Variants in SUCLG2 observed in about 807,000 individuals in gnomAD.
SUCLG2 encodes succinate--CoA ligase [GDP-forming] subunit beta, mitochondrial.
In SUCLG2, 42 loss-of-function variants were observed where a neutral mutation model predicts 47.9. The observed-to-expected ratio is 0.88, with a 90% CI of 0.69 to 1.14. The LOEUF is 1.14. Among genes scored for constraint, SUCLG2 ranks in the 50% most tolerant of loss-of-function variants. SUCLG2 has a pLI of 0.00. For synonymous variants in SUCLG2, 195 were observed against 197.3 expected, an observed-to-expected ratio of 0.99 and a Z score of 0.10; for missense variants, 571 against 525.9, an observed-to-expected ratio of 1.09 and a Z score of -0.84.
chr3:67,606,596 T>C (rs552894330), intron 2 of SUCLG2, among the ~76,000 whole-genome samples: 1 of 152,298 alleles, frequency 6.6e-6, no homozygotes, highest in African/African-American at 2.4e-5. Flanking sequence ...GTACTAACCT[T>C]TACTGAGTCT....
chr3:67,637,994 T>C (rs1034442737), intron 1 of SUCLG2, among the ~76,000 whole-genome samples: 1 of 152,126 alleles, frequency 6.6e-6, no homozygotes, highest in Admixed American at 6.5e-5. Context: ...TAGGAAGTGC[T>C]GTTTACTTTA....
At chr3:67,383,549 G>C (rs956225624) in intron 10 of SUCLG2, among the ~76,000 whole-genome samples, 2 of 152,124 alleles carry the variant, frequency 1.3e-5, no homozygotes, top group African/African-American at 4.8e-5. Context: ...ATCAACACTC[G>C]AGGTGTGAAT....
chr3:67,564,556 T>G (rs1319157457), intron 2 of SUCLG2, among the ~76,000 whole-genome samples: 1 of 152,262 alleles, frequency 6.6e-6, no homozygotes, highest in East Asian at 1.9e-4. Flanking sequence ...ATCCCTGTCT[T>G]AATCATCTGT....
At chr3:67,369,643 T>C (rs1559634086) in intron 10 of SUCLG2, among the ~76,000 whole-genome samples, 1 of 152,224 alleles carries the variant, frequency 6.6e-6, no homozygotes, top group Non-Finnish European at 1.5e-5. Flanking sequence ...AGCTGCACCA[T>C]GCTGTCTCCT....
downstream of SUCLG2, among the ~76,000 whole-genome samples, chr3:67,372,224 T>C (rs1701965215): frequency 6.6e-6 from 1 of 152,144 alleles, no homozygotes; most frequent in Non-Finnish European, 1.5e-5. Flanking sequence ...TACTGGACAA[T>C]AGAAGAAATG....
chr3:67,558,696 C>T (rs1010362463), intron 2 of SUCLG2, among the ~76,000 whole-genome samples: 2 of 152,154 alleles, frequency 1.3e-5, no homozygotes, highest in African/African-American at 4.8e-5. Context: ...GGGCAATCTG[C>T]CCAAGCCAAG....
intron 9 of SUCLG2, among the ~76,000 whole-genome samples, chr3:67,415,740 T>C (rs1163948845): frequency 5.9e-5 from 9 of 152,210 alleles, no homozygotes; most frequent in Admixed American, 5.9e-4. Flanking sequence ...TCTCCTTCCA[T>C]GGTAGTTTTA....
intron 1 of SUCLG2, among the ~76,000 whole-genome samples, chr3:67,645,725 C>T (rs1412498911): frequency 2.6e-5 from 4 of 151,824 alleles, no homozygotes; most frequent in Non-Finnish European, 4.4e-5. Context: ...TAACTCTCCA[C>T]TTTCTATTAC....
At chr3:67,620,252 A>C (rs1176743500) in intron 1 of SUCLG2, among the ~76,000 whole-genome samples, 1 of 152,160 alleles carries the variant, frequency 6.6e-6, no homozygotes, top group East Asian at 1.9e-4. Context: ...TGAAGAGTGT[A>C]ATTACAGAGC....
chr3:67,652,886 CCTTT>C (rs1701311909), intron 1 of SUCLG2, among the ~76,000 whole-genome samples: 2 of 152,256 alleles, frequency 1.3e-5, no homozygotes, highest in African/African-American at 4.8e-5. Context: ...ACACTGTGTA[CCTTT>C]CTATCTTTAA....
rs1358737032 is a variant in SUCLG2, at chr3:67,374,914, G to A, written c.*830C>T. 6.1e-6 allele frequency: 6 copies of A among 985,206 alleles called. No homozygotes were observed. The highest frequency in any genetic ancestry group is 1.8e-5 in the African/African-American group (1 of 57,128). 61.0% of individuals were successfully genotyped at this position (985,206 alleles called of 1,614,324 possible). A position where few individuals can be genotyped will look rare whatever the true frequency, so the allele number is the denominator to read the frequency against. ...GGAGGATGAGGAGTAAGAGAGAAACGAGGAGAGAAGATAGTGATACTAAAC... is the reference window on the plus strand; with the variant it reads ...GGAGGATGAGGAGTAAGAGAGAAACAAGGAGAGAAGATAGTGATACTAAAC... On this transcript the variant is annotated 3_prime_UTR_variant, in exon 11 of 11. Transcript: ENST00000307227.
intron 2 of SUCLG2, among the ~76,000 whole-genome samples, chr3:67,535,731 CAAT>C (rs1005876768): frequency 2.6e-5 from 4 of 152,108 alleles, no homozygotes; most frequent in Non-Finnish European, 5.9e-5. Context: ...CAGCTGGACA[CAAT>C]GCAGAGAAGA....
chr3:67,506,725 T>C (rs1484910039), intron 7 of SUCLG2, among the ~76,000 whole-genome samples: 1 of 152,232 alleles, frequency 6.6e-6, no homozygotes, highest in East Asian at 1.9e-4. Context: ...TGCTTGTGTA[T>C]ACTAGTTGAA....
intron 9 of SUCLG2, among the ~76,000 whole-genome samples, chr3:67,426,932 A>C (rs900452408): frequency 6.6e-5 from 10 of 152,192 alleles, no homozygotes; most frequent in African/African-American, 2.2e-4. Context: ...TCTCAAAAAA[A>C]AAAGTGGCAA....
At chr3:67,403,569 TAA>T in intron 9 of SUCLG2, among the ~76,000 whole-genome samples, 1 of 152,062 alleles carries the variant, frequency 6.6e-6, no homozygotes, top group Non-Finnish European at 1.5e-5. Flanking sequence ...GCCAGACCAA[TAA>T]ACTGACAATT....
chr3:67,415,530 C>T (rs1242007914), intron 9 of SUCLG2, among the ~76,000 whole-genome samples: 1 of 152,286 alleles, frequency 6.6e-6, no homozygotes, highest in Non-Finnish European at 1.5e-5. Flanking sequence ...CTCCTCTAAG[C>T]CACACATTTG....
intron 1 of SUCLG2, among the ~76,000 whole-genome samples, chr3:67,638,838 T>C (rs996586146): frequency 2.6e-5 from 4 of 152,192 alleles, no homozygotes; most frequent in Non-Finnish European, 4.4e-5. Flanking sequence ...TAGCCAATAA[T>C]GGAGATTTCC....
At chr3:67,373,558 A>G (rs566790455), downstream of SUCLG2, among the ~76,000 whole-genome samples, 1 of 152,196 alleles carries the variant, frequency 6.6e-6, no homozygotes, top group East Asian at 1.9e-4. Flanking sequence ...TATGGCCTAT[A>G]TTTATTGTAT....
At chr3:67,483,071 C>G (rs1704958563) in intron 9 of SUCLG2, among the ~76,000 whole-genome samples, 3 of 152,068 alleles carry the variant, frequency 2.0e-5, no homozygotes, top group African/African-American at 7.2e-5. Context: ...TTGCAGTGCT[C>G]CATTTCAGAA....
Sources: gnomAD v4.1 joint callset for allele counts (sites outside exome capture counted in the v4.1 genomes callset) on GRCh38, gnomAD v4.1.1 for gene constraint, MANE v1.5 for transcripts, NCBI Gene and HGNC (gene_info 2026-07-23, HGNC 2026-07-21) for gene names.